SASH1: variants seen among roughly 807,000 people sequenced by gnomAD.
SASH1 encodes the protein SAM and SH3 domain-containing protein 1.
In SASH1, 44 loss-of-function variants were observed where a neutral mutation model predicts 125.2. The observed-to-expected ratio is 0.35, with a 90% CI of 0.28 to 0.45. SASH1 has a LOEUF of 0.45. SASH1 is among the 20% of genes least tolerant of loss of function. The pLI, the probability that SASH1 is intolerant of heterozygous loss-of-function variation, is 1.00. For missense variants in SASH1, 1,426 were observed against 1,614.5 expected (o/e 0.88, Z 2.00); for synonymous variants, 639 against 649.1 (o/e 0.98, Z 0.24).
intron 8 of SASH1, among the ~76,000 whole-genome samples, chr6:148,501,091 C>T (rs771544300): frequency 2.6e-5 from 4 of 151,456 alleles, no homozygotes; most frequent in Admixed American, 6.6e-5. Context: ...CCTCCAGCTT[C>T]GACAGATGAC....
intron 1 of SASH1, among the ~76,000 whole-genome samples, chr6:148,281,360 T>G (rs1401797994): frequency 6.6e-6 from 1 of 152,068 alleles, no homozygotes; most frequent in Non-Finnish European, 1.5e-5. Context: ...AAGGGTCAGA[T>G]GGACTAGAAA....
At chr6:148,243,128 C>G in the SASH1 span, among the ~76,000 whole-genome samples, 1 of 152,058 alleles carries the variant, frequency 6.6e-6, no homozygotes, top group Non-Finnish European at 1.5e-5. Context: ...CCAGCCTCAC[C>G]AACATGGCGA....
chr6:148,439,071 T>A lies in SASH1; in HGVS notation c.286-1113T>A, dbSNP rs192928624. On this transcript the variant is annotated intron_variant, in intron 2 of 19. Coordinates refer to ENST00000367467, the MANE Select transcript of SASH1 (RefSeq NM_015278.5). ...AATGATGAAAAGGGCAATTGAACAATTAGATGCATGTGAAAATGCATAATT... is the reference window on the plus strand; with the variant it reads ...AATGATGAAAAGGGCAATTGAACAAATAGATGCATGTGAAAATGCATAATT... 2.0e-4 allele frequency among the ~76,000 whole-genome samples: 30 copies of A among 152,348 alleles called. No individual in the cohort carries two copies. The East Asian group carries it at 5.6e-3, about 28-fold the overall frequency.
chr6:148,431,830 A>G (rs995598147), intron 2 of SASH1, among the ~76,000 whole-genome samples: 4 of 152,020 alleles, frequency 2.6e-5, no homozygotes, highest in African/African-American at 9.7e-5. Context: ...TAAAGACGTG[A>G]TGGTATTTTT....
intron 1 of SASH1, among the ~76,000 whole-genome samples, chr6:148,307,324 G>A (rs1407157775): frequency 6.6e-6 from 1 of 151,802 alleles, no homozygotes; most frequent in South Asian, 2.1e-4. Flanking sequence ...CGCCATGTTG[G>A]TCAGGCTGGT....
intron 9 of SASH1, among the ~76,000 whole-genome samples, chr6:148,518,035 G>A (rs1051464746): frequency 2.0e-5 from 3 of 152,158 alleles, no homozygotes; most frequent in Admixed American, 6.5e-5. Context: ...TAGCCCAGTC[G>A]CTTCTTCTTG....
intron 1 of SASH1, among the ~76,000 whole-genome samples, chr6:148,378,960 G>T (rs1783022919): frequency 6.6e-6 from 1 of 152,180 alleles, no homozygotes. Flanking sequence ...TGTTAGTTTG[G>T]TTTTTCTAGC....
At chr6:148,547,485 G>A (rs1409022419) in intron 19 of SASH1, among the ~76,000 whole-genome samples, 3 of 152,172 alleles carry the variant, frequency 2.0e-5, no homozygotes, top group Non-Finnish European at 4.4e-5. Flanking sequence ...GATAAGCAGG[G>A]GGGTGGCTAT....
chr6:148,291,628 G>C (rs1353190920), intron 1 of SASH1, among the ~76,000 whole-genome samples: 1 of 152,108 alleles, frequency 6.6e-6, no homozygotes, highest in Non-Finnish European at 1.5e-5. Context: ...ATGCTGCATT[G>C]AGTTGTGATC....
intron 1 of SASH1, among the ~76,000 whole-genome samples, chr6:148,331,855 T>C (rs1159923067): frequency 6.6e-6 from 1 of 151,874 alleles, no homozygotes; most frequent in East Asian, 1.9e-4. Context: ...TAGTGCCTGG[T>C]TAATTTTTTG....
At chr6:148,383,160 G>T (rs1033305325) in intron 1 of SASH1, among the ~76,000 whole-genome samples, 2 of 152,180 alleles carry the variant, frequency 1.3e-5, no homozygotes, top group Non-Finnish European at 2.9e-5. Flanking sequence ...GAGAATTAAA[G>T]ACATTTTTAT....
the SASH1 span, among the ~76,000 whole-genome samples, chr6:148,262,589 A>G: frequency 7.9e-5 from 12 of 152,312 alleles, no homozygotes; most frequent in African/African-American, 2.6e-4. Flanking sequence ...TGAATAAGAA[A>G]AAGTTCAATG....
chr6:148,414,962 A>G (rs1784766580), intron 2 of SASH1, among the ~76,000 whole-genome samples: 1 of 152,142 alleles, frequency 6.6e-6, no homozygotes, highest in East Asian at 1.9e-4. Context: ...CTTACATTCT[A>G]CTGAGCCCAG....
At chr6:148,333,153 G>A (rs1335440625) in intron 1 of SASH1, among the ~76,000 whole-genome samples, 2 of 151,824 alleles carry the variant, frequency 1.3e-5, no homozygotes, top group African/African-American at 4.8e-5. Context: ...CTATCCTCTG[G>A]GGAACTTGTT....
chr6:148,377,183 A>C (rs866215401), intron 1 of SASH1, among the ~76,000 whole-genome samples: 3,889 of 65,264 alleles, frequency 0.06, 178 homozygotes, highest in East Asian at 0.23. Context: ...AAAAAAAAAA[A>C]CAAAAAAAAA....
chr6:148,462,301 CT>C (rs57899343), intron 4 of SASH1, among the ~76,000 whole-genome samples: 12,374 of 144,652 alleles, frequency 0.086, 563 homozygotes, highest in Middle Eastern at 0.14. Flanking sequence ...CTTTTCTTTT[CT>C]TTTTTTTTTT....
intron 1 of SASH1, among the ~76,000 whole-genome samples, chr6:148,273,237 G>C (rs942198719): frequency 2.0e-5 from 3 of 151,738 alleles, no homozygotes; most frequent in Non-Finnish European, 4.4e-5. Context: ...TCTAGCCTTG[G>C]TGACAGAGTG....
chr6:148,493,688 C>T (rs1779202442), intron 8 of SASH1, among the ~76,000 whole-genome samples: 1 of 152,188 alleles, frequency 6.6e-6, no homozygotes, highest in Non-Finnish European at 1.5e-5. Flanking sequence ...CACAATAAAT[C>T]CATATGCACA....
the SASH1 span, among the ~76,000 whole-genome samples, chr6:148,196,716 C>G: frequency 1.3e-5 from 2 of 152,164 alleles, no homozygotes; most frequent in Admixed American, 6.5e-5. Context: ...TGAGATAAGA[C>G]AAACATCCAT....
Sources: gnomAD v4.1 joint callset for allele counts (sites outside exome capture counted in the v4.1 genomes callset) on GRCh38, gnomAD v4.1.1 for gene constraint, MANE v1.5 for transcripts, NCBI Gene and HGNC (gene_info 2026-07-23, HGNC 2026-07-21) for gene names.